RNF213: variants seen among roughly 807,000 people sequenced by gnomAD.
RNF213 encodes ring finger protein 213, also known as E3 ubiquitin-protein ligase RNF213.
RNF213 carries 341 observed loss-of-function variants against 514.4 expected under a neutral mutation model. The observed-to-expected ratio is 0.66, with a 90% CI of 0.61 to 0.73. RNF213 has a LOEUF of 0.73. Ranked by LOEUF, RNF213 falls within the 30% of genes least tolerant of loss-of-function variation. The pLI, the probability that RNF213 is intolerant of heterozygous loss-of-function variation, is 0.00. For synonymous variants in RNF213, 2,655 were observed against 2,658.2 expected, an observed-to-expected ratio of 1.00 and a Z score of 0.04; for missense variants, 5,767 against 6,615.6, an observed-to-expected ratio of 0.87 and a Z score of 4.45.
chr17:80,277,368 C>T (rs9889493), intron 3 of RNF213, among the ~76,000 whole-genome samples: 10,523 of 151,810 alleles, frequency 0.069, 542 homozygotes, highest in East Asian at 0.21. Flanking sequence ...GAGGCTGAGG[C>T]GGGTGGATCA....
chr17:80,343,730 TG>T lies in RNF213; in HGVS notation c.6184-125del, dbSNP rs2078228310. 3.1e-6 allele frequency: 3 copies of T among 983,534 alleles called. No individual in the cohort carries two copies. Among genetic ancestry groups the T allele is most frequent in the African/African-American group, 1.6e-5 (1 of 62,588 alleles). The allele number at this position is 983,534 out of a possible 1,614,324, so 60.9% of individuals were successfully genotyped here. A position where few individuals can be genotyped will look rare whatever the true frequency, so the allele number is the denominator to read the frequency against. ...TGCCCTTGGAGACATGGGCCGTTGT[TG>T]GCTGAAATGTTGATGTTGATCATCA... On this transcript the variant is annotated intron_variant, in intron 27 of 67. Transcript: ENST00000582970. The surrounding 1 kb of genome is among the most constrained non-coding windows in gnomAD (Gnocchi z 4.3).
chr17:80,386,827 T>C lies in RNF213; in HGVS notation c.14858T>C (p.Leu4953Pro), dbSNP rs1311765367. The change falls in exon 63 of 68, where the codon CTG becomes CCG. Residue 4953 changes from leucine to proline, a missense_variant. Leu to Pro is a moderately conservative substitution (Grantham distance 98, BLOSUM62 -3). Around this residue, in one of 13 missense-constraint regions of RNF213, gnomAD observed 1,245 missense variants for 1,339.0 expected, o/e 0.93. Coordinates refer to ENST00000582970, the MANE Select transcript of RNF213 (RefSeq NM_001256071.3). ...AGAGAGACCGTGCAGGAGTTCGATC[T>C]GGAGAAGATTCAGCGGCAGATCGTC... ...EGRETVQEFD[L>P]EKIQRQIVSR... The C allele has an allele frequency of 1.2e-6, 2 of 1,614,082 alleles. No homozygotes were observed. Among genetic ancestry groups the C allele is most frequent in the Non-Finnish European group, 8.5e-7 (1 of 1,180,042 alleles).
At position 80,339,703 on chromosome 17, in the gene RNF213, G is replaced by A. The variant is rs1441537812; in HGVS notation, c.5336G>A (p.Arg1779Lys). Residue 1779 changes from arginine (R) to lysine (K), a missense_variant, in exon 26 of 68, where the codon AGG (arginine) becomes AAG (lysine). Coordinates refer to ENST00000582970, the MANE Select transcript of RNF213 (RefSeq NM_001256071.3). ...GAGTTCAGCCTGGTGGACAAGCTGA[G>A]GATCATCATGGAGCAGTCCATGAGG... ...LSEFSLVDKL[R>K]IIMEQSMRCL... is the part of the protein sequence containing the mutation. The A allele has an allele frequency of 6.5e-7, 1 of 1,537,186 alleles. No individual in the cohort carries two copies. Among genetic ancestry groups the A allele is most frequent in the South Asian group, 1.2e-5 (1 of 84,056 alleles).
In RNF213 at chr17:80,288,791, C is replaced by T; in HGVS notation, c.933+36C>T. 6.2e-7 allele frequency: 1 copy of T among 1,613,650 alleles called. No individual in the cohort carries two copies. Among genetic ancestry groups the T allele is most frequent in the East Asian group, 2.2e-5 (1 of 44,888 alleles). On this transcript the variant is annotated intron_variant, in intron 5 of 67. Transcript: ENST00000582970. This position sits in a 1 kb window ranked among gnomAD's most constrained non-coding sequence, Gnocchi z 4.9. ...TTCCTGCCTGCCGGCTCCAGGAGGC[C>T]CTCTCCTGCCCACGGCTGCGCCTCT... is the stretch of plus-strand genomic sequence containing the variant.
intron 3 of RNF213, 137 bp from the exon 4 acceptor site, chr17:80,287,678 C>T: frequency 3.2e-6 from 2 of 631,360 alleles, no homozygotes; most frequent in South Asian, 3.2e-5. Context: ...CAGGAAATTG[C>T]AGATTTAACA....
chr17:80,350,313 G>C lies in RNF213; in HGVS notation c.10101G>C (p.Thr3367=). The part of the protein sequence containing the change: ...SFLKEVRNCL[T]NTAKCKILIF... ...CCTTTTCTTTCAGAAACTGTTTAAC[G>C]AATACAGCCAAATGTAAAATCCTCA... Residue 3367 remains threonine, a synonymous_variant, in exon 31 of 68, where the codon ACG becomes ACC. Coordinates refer to ENST00000582970, the MANE Select transcript of RNF213 (RefSeq NM_001256071.3). 4 of 1,604,916 alleles carry C rather than the reference G, an allele frequency of 2.5e-6. No individual in the cohort carries two copies. The highest frequency in any genetic ancestry group is 3.4e-6 in the Non-Finnish European group (4 of 1,171,878).
In RNF213 at chr17:80,308,272, C is replaced by A. The variant is rs565605601; in HGVS notation, c.2502-746C>A. Among the ~76,000 whole-genome samples the A allele has an allele frequency of 5.1e-4, 78 of 152,198 alleles. 2 individuals are homozygous for A. The South Asian group carries it at 0.012, about 24-fold the overall frequency. On this transcript the variant is annotated intron_variant, in intron 13 of 67. Coordinates refer to ENST00000582970, the MANE Select transcript of RNF213 (RefSeq NM_001256071.3). ...GCACCTGTGACTTGAGGATCCCCCC[C>A]ACAAGCTCCCTATCTCCCCACCACT...
chr17:80,367,696 C>T, intron 42 of RNF213, 52 bp from the exon 43 acceptor site: 1 of 1,486,190 alleles, frequency 6.7e-7, no homozygotes, highest in South Asian at 1.1e-5. Context: ...CCCGGCCTGG[C>T]CGCCCTCAGC....
rs1396609483 is a variant in RNF213 at position 80,376,536 on chromosome 17, C to T, written c.13421C>T (p.Thr4474Ile). Residue 4474 changes from threonine to isoleucine, a missense_variant, in exon 52 of 68, where the codon ACC (threonine) becomes ATC (isoleucine). Coordinates refer to ENST00000582970, the MANE Select transcript of RNF213 (RefSeq NM_001256071.3). The stretch of plus-strand genomic sequence containing the variant: ...AAGAATCTGGCCTTCTCCCCAGCCA[C>T]CATGGCGGTAAGAGTAGGCCACAAT... Reference protein sequence around the residue: ...PLKNLAFSPATMAHAFLPTMP... With the variant: ...PLKNLAFSPAIMAHAFLPTMP... 14 of 1,613,992 alleles carry T rather than the reference C, an allele frequency of 8.7e-6. No homozygotes were observed. Among genetic ancestry groups the T allele is most frequent in the African/African-American group, 1.3e-5 (1 of 74,950 alleles).
intron 2 of RNF213, among the ~76,000 whole-genome samples, chr17:80,265,959 A>C: frequency 6.6e-6 from 1 of 152,158 alleles, no homozygotes; most frequent in East Asian, 1.9e-4. Context: ...GGGATCCTTC[A>C]AGTTGGGATG....
chr17:80,352,908 A>G, intron 32 of RNF213, 32 bp from the exon 33 acceptor site: 1 of 1,613,824 alleles, frequency 6.2e-7, no homozygotes, highest in South Asian at 1.1e-5. Context: ...GAAAGACACA[A>G]AGACAGTTGT....
Position 80,273,649 on chromosome 17 carries a change from C to T in RNF213, c.261+245C>T, listed in dbSNP as rs575362379. Among the ~76,000 whole-genome samples, 214 of 129,800 alleles carry T rather than the reference C, an allele frequency of 1.6e-3. 1 individual carries two copies. Among genetic ancestry groups the T allele is most frequent in the African/African-American group, 6.0e-3 (208 of 34,542 alleles). 85.2% of individuals were successfully genotyped at this position (129,800 alleles called of 152,430 possible). A position where few individuals can be genotyped will look rare whatever the true frequency, so the allele number is the denominator to read the frequency against. On this transcript the variant is annotated intron_variant, in intron 3 of 67. Transcript: ENST00000582970. ...TTTTTTTTTTTTTGAGACAGAGTTT[C>T]GCTCTTGTTGCCCAGGCTGGAGTGC...
At chr17:80,291,535 C>A in intron 7 of RNF213, 93 bp from the exon 8 acceptor site, 1 of 1,290,752 alleles carries the variant, frequency 7.7e-7, no homozygotes, top group Non-Finnish European at 1.1e-6. Context: ...GCCACATCAA[C>A]TTATAGCTTT....
chr17:80,359,055 C>G (rs2144335486), intron 37 of RNF213, among the ~76,000 whole-genome samples: 1 of 152,342 alleles, frequency 6.6e-6, no homozygotes, highest in East Asian at 1.9e-4. Flanking sequence ...GCCCCACAAT[C>G]TGTGCTCCTT....
chr17:80,362,346 A>G (rs1360382135), intron 39 of RNF213, among the ~76,000 whole-genome samples: 1 of 152,266 alleles, frequency 6.6e-6, no homozygotes, highest in Non-Finnish European at 1.5e-5. Flanking sequence ...CTAGAGGTTA[A>G]TATTCTTAGG....
Position 80,337,982 on chromosome 17 carries a change from G to A in RNF213, c.4818G>A (p.Val1606=), listed in dbSNP as rs779500267. The A allele has an allele frequency of 3.9e-6, 6 of 1,537,326 alleles. No individual in the cohort carries two copies. The highest frequency in any genetic ancestry group is 5.2e-6 in the Non-Finnish European group (6 of 1,146,930). Residue 1606 remains valine (V), a synonymous_variant, in exon 25 of 68, where the codon GTG becomes GTA. Coordinates refer to ENST00000582970, the MANE Select transcript of RNF213 (RefSeq NM_001256071.3). ...SGKKDRNNTE[V]ERFSEVFCSV... ...AGAAGGATCGTAACAACACGGAAGTGGAGAGGTTTTCAGAGGTGAGGGCGC... is the reference window on the plus strand; with the variant it reads ...AGAAGGATCGTAACAACACGGAAGTAGAGAGGTTTTCAGAGGTGAGGGCGC...
intron 59 of RNF213, among the ~76,000 whole-genome samples, chr17:80,384,279 C>G (rs536652298): frequency 1.2e-4 from 19 of 152,304 alleles, no homozygotes; most frequent in Non-Finnish European, 2.2e-4. Flanking sequence ...AATGCTGGAG[C>G]ATGGGCAGAT....
chr17:80,281,490 A>ACCCCAC (rs1230339675), intron 3 of RNF213, among the ~76,000 whole-genome samples: 1 of 119,242 alleles, frequency 8.4e-6, no homozygotes, highest in Non-Finnish European at 1.7e-5. Flanking sequence ...CCCAACATAC[A>ACCCCAC]TACACCCCAC....
chr17:80,274,818 G>A (rs1439768387), intron 3 of RNF213, among the ~76,000 whole-genome samples: 2 of 39,996 alleles, frequency 5.0e-5, no homozygotes, highest in Admixed American at 2.2e-4. Flanking sequence ...GGTGAGGGGG[G>A]TGTCTGTGGG....
Sources: allele counts gnomAD v4.1 joint callset (sites outside exome capture counted in the v4.1 genomes callset), GRCh38; gene constraint gnomAD v4.1.1; regional missense constraint gnomAD v4.1.1; non-coding constraint Gnocchi (gnomAD v3.1); transcripts MANE v1.5; gene names NCBI Gene and HGNC (gene_info 2026-07-23, HGNC 2026-07-21).